Variants in HS6ST3 observed in about 807,000 individuals in gnomAD.
HS6ST3 encodes the protein heparan sulfate 6-O-sulfotransferase 3.
HS6ST3 carries 12 observed loss-of-function variants against 36.7 expected under a neutral mutation model. The observed-to-expected ratio is 0.33, with a 90% confidence interval of 0.21 to 0.53. HS6ST3 has a LOEUF of 0.53. HS6ST3 is among the 20% of genes least tolerant of loss of function. The pLI, the probability that HS6ST3 is intolerant of heterozygous loss-of-function variation, is 0.95. For missense variants in HS6ST3, 584 were observed against 640.9 expected, an observed-to-expected ratio of 0.91 and a Z score of 0.96; for synonymous variants, 240 against 257.5, an observed-to-expected ratio of 0.93 and a Z score of 0.65.
At chr13:96,261,947 T>G (rs1373509409) in intron 1 of HS6ST3, among the ~76,000 whole-genome samples, 1 of 152,178 alleles carries the variant, frequency 6.6e-6, no homozygotes, top group East Asian at 1.9e-4. Context: ...TGGAAGGAAC[T>G]GAGAGAAGGA....
chr13:96,560,646 C>T (rs2056258510), intron 1 of HS6ST3, among the ~76,000 whole-genome samples: 2 of 152,166 alleles, frequency 1.3e-5, no homozygotes, highest in African/African-American at 4.8e-5. Context: ...TGCCAAAAGG[C>T]TCCTGGAACT....
At chr13:96,443,724 T>C (rs2055685152) in intron 1 of HS6ST3, among the ~76,000 whole-genome samples, 4 of 152,212 alleles carry the variant, frequency 2.6e-5, no homozygotes, top group Admixed American at 2.0e-4. Context: ...TAGAAGAGTG[T>C]CTGAACCTGC....
intron 1 of HS6ST3, among the ~76,000 whole-genome samples, chr13:96,718,672 A>G (rs1216148527): frequency 6.6e-6 from 1 of 152,242 alleles, no homozygotes; most frequent in Non-Finnish European, 1.5e-5. Context: ...AGAGGTCATG[A>G]ATAATTGAAT....
intron 1 of HS6ST3, among the ~76,000 whole-genome samples, chr13:96,252,403 G>A (rs977378835): frequency 9.2e-5 from 14 of 152,118 alleles, no homozygotes; most frequent in African/African-American, 2.7e-4. Context: ...GGGTCTCTTC[G>A]ACCTTTTCTA....
chr13:96,832,863 C>G lies in HS6ST3; in HGVS notation c.1081C>G (p.Gln361Glu). The G allele has an allele frequency of 5.6e-6, 9 of 1,614,186 alleles. No homozygotes were observed. Among genetic ancestry groups the G allele is most frequent in the Non-Finnish European group, 7.6e-6 (9 of 1,180,026 alleles). Residue 361 changes from glutamine (Q) to glutamate (E), a missense_variant, in exon 2 of 2, where the codon CAG becomes GAG. Physicochemically the swap from Gln to Glu is conservative, Grantham distance 29. This residue lies in a region of HS6ST3 where 360 missense variants were observed against 411.3 expected (regional missense o/e 0.88). Transcript: ENST00000376705. ...GCTCACTGAGTTCCAGAGGAAGACA[C>G]AGTTTCTCTTTGAGAGAACATTCAA... Reference protein sequence around the residue: ...FGLTEFQRKTQFLFERTFNLK... With the variant: ...FGLTEFQRKTEFLFERTFNLK...
At position 96,585,277 on chromosome 13, in the gene HS6ST3, A is replaced by T. The variant is rs561348245; in HGVS notation, c.708-247213A>T. ...TTATGTTTTAATGTAAACTTAAAAA[A>T]AAGTAAAAGTCTGTCATACCTGCTA... is the stretch of plus-strand genomic sequence containing the variant. On this transcript the variant is annotated intron_variant, in intron 1 of 1. Coordinates refer to ENST00000376705, the MANE Select transcript of HS6ST3 (RefSeq NM_153456.4). Among the ~76,000 whole-genome samples the T allele has an allele frequency of 6.6e-5, 10 of 152,310 alleles. No homozygotes were observed. In the South Asian group the frequency reaches 1.5e-3, roughly 22 times the overall value.
intron 1 of HS6ST3, among the ~76,000 whole-genome samples, chr13:96,184,903 C>A (rs952495399): frequency 1.3e-5 from 2 of 152,084 alleles, no homozygotes; most frequent in African/African-American, 4.8e-5. Flanking sequence ...TGCTATCCCG[C>A]CAGGGCCCTG....
At chr13:96,300,669 G>T (rs960586074) in intron 1 of HS6ST3, among the ~76,000 whole-genome samples, 3 of 151,756 alleles carry the variant, frequency 2.0e-5, no homozygotes, top group Admixed American at 2.0e-4. Context: ...CACTCTATGG[G>T]TTTTTCTTTT....
intron 1 of HS6ST3, among the ~76,000 whole-genome samples, chr13:96,171,757 A>G (rs1325642873): frequency 6.6e-6 from 1 of 152,222 alleles, no homozygotes; most frequent in Non-Finnish European, 1.5e-5. Context: ...TGTCCTAGCA[A>G]TTATAGCTGT....
At chr13:96,374,179 T>A (rs2055303778) in intron 1 of HS6ST3, among the ~76,000 whole-genome samples, 1 of 152,198 alleles carries the variant, frequency 6.6e-6, no homozygotes, top group Non-Finnish European at 1.5e-5. Context: ...ATTGTTTTAA[T>A]CTTTACAGTA....
At chr13:96,310,680 C>G (rs1427678978) in intron 1 of HS6ST3, among the ~76,000 whole-genome samples, 2 of 149,778 alleles carry the variant, frequency 1.3e-5, no homozygotes, top group Non-Finnish European at 3.0e-5. Flanking sequence ...TATCTCCCTC[C>G]CTCCCTATCT....
chr13:96,271,468 G>A (rs2054719880), intron 1 of HS6ST3, among the ~76,000 whole-genome samples: 1 of 151,932 alleles, frequency 6.6e-6, no homozygotes. Context: ...AGTTACAGGT[G>A]TAATCAATTA....
Position 96,598,583 on chromosome 13 carries a change from T to TTTA in HS6ST3, c.708-233906_708-233904dup, listed in dbSNP as rs199747763. ...AATCAAGGAGTCTTTTGGAAGAGTC[T>TTTA]TTAGGTTTTTCTAGGTATAAGGTCA... On this transcript the variant is annotated intron_variant, in intron 1 of 1. Transcript: ENST00000376705. Among the ~76,000 whole-genome samples the TTTA allele has an allele frequency of 5.8e-3, 887 of 152,174 alleles. 5 individuals are homozygous for TTTA. The highest frequency in any genetic ancestry group is 0.02 in the African/African-American group (838 of 41,532).
chr13:96,547,854 G>A (rs1056695170), intron 1 of HS6ST3, among the ~76,000 whole-genome samples: 4 of 152,010 alleles, frequency 2.6e-5, no homozygotes, highest in African/African-American at 9.7e-5. Flanking sequence ...AACAGTACAT[G>A]GGGTGTTTTA....
At position 96,568,290 on chromosome 13, in the gene HS6ST3, A is replaced by G. The variant is rs536314268; in HGVS notation, c.708-264200A>G. 2.6e-3 allele frequency among the ~76,000 whole-genome samples: 394 copies of G among 149,740 alleles called. 1 individual carries two copies. Among genetic ancestry groups the G allele is most frequent in the African/African-American group, 9.5e-3 (374 of 39,198 alleles). On this transcript the variant is annotated intron_variant, in intron 1 of 1. Coordinates refer to ENST00000376705, the MANE Select transcript of HS6ST3 (RefSeq NM_153456.4). Reference sequence around the variant, plus strand: ...GGCTCTCTGAATCTTTTTTTGAGACAGAGTCTTGCTCTGTCACCCAGGCTG... The same window carrying G: ...GGCTCTCTGAATCTTTTTTTGAGACGGAGTCTTGCTCTGTCACCCAGGCTG...
intron 1 of HS6ST3, among the ~76,000 whole-genome samples, chr13:96,346,523 C>T (rs900201257): frequency 3.3e-5 from 5 of 150,670 alleles, no homozygotes; most frequent in Non-Finnish European, 5.9e-5. Context: ...TGCAGTGAGC[C>T]GAGATCGCGC....
chr13:96,107,890 T>C (rs1003556435), intron 1 of HS6ST3, among the ~76,000 whole-genome samples: 2 of 152,212 alleles, frequency 1.3e-5, no homozygotes, highest in African/African-American at 4.8e-5. Context: ...CTTCGTAAGC[T>C]GAGGATATAT....
intron 1 of HS6ST3, among the ~76,000 whole-genome samples, chr13:96,793,082 G>A (rs1281886462): frequency 6.6e-6 from 1 of 152,034 alleles, no homozygotes; most frequent in Non-Finnish European, 1.5e-5. Context: ...TGAGGAGTGA[G>A]TGACCTTGCG....
intron 1 of HS6ST3, among the ~76,000 whole-genome samples, chr13:96,643,789 A>G (rs1405076761): frequency 1.3e-5 from 2 of 151,930 alleles, no homozygotes; most frequent in Admixed American, 1.3e-4. Context: ...ATGGCTTCCC[A>G]GGCTGCTGGT....
Sources: gnomAD v4.1 joint callset for allele counts (sites outside exome capture counted in the v4.1 genomes callset) on GRCh38, gnomAD v4.1.1 for gene constraint, gnomAD v4.1.1 regional missense constraint, MANE v1.5 for transcripts, NCBI Gene and HGNC (gene_info 2026-07-23, HGNC 2026-07-21) for gene names.